Variants in ANKRD11 observed in about 807,000 individuals in gnomAD.
The protein encoded by ANKRD11 is ankyrin repeat domain-containing protein 11.
A neutral mutation model predicts 195.7 loss-of-function variants in ANKRD11; 17 were observed. The observed-to-expected ratio is 0.09, with a 90% CI of 0.06 to 0.13. The LOEUF (loss-of-function observed/expected upper bound fraction) is 0.13, where lower values mean the gene tolerates loss of function less well. Among genes scored for constraint, ANKRD11 ranks in the 10% least tolerant of loss-of-function variants. The probability of loss-of-function intolerance (pLI) is 1.00; values close to 1 mark genes in which losing one functional copy is unlikely to be tolerated. For synonymous variants in ANKRD11, 1,953 were observed against 1,528.1 expected (o/e 1.28, Z -6.49); for missense variants, 3,735 against 3,566.1 (o/e 1.05, Z -1.21).
intron 2 of ANKRD11, among the ~76,000 whole-genome samples, chr16:89,377,081 C>T (rs2040453807): frequency 6.6e-6 from 1 of 152,198 alleles, no homozygotes; most frequent in Non-Finnish European, 1.5e-5. Context: ...AAGGAACTGC[C>T]TTAAATGTTC....
intron 1 of ANKRD11, among the ~76,000 whole-genome samples, chr16:89,421,629 A>C (rs2042511349): frequency 1.0e-5 from 1 of 96,066 alleles, no homozygotes; most frequent in African/African-American, 4.9e-5. Flanking sequence ...TCACCCGTCC[A>C]TGTCTGGGGG....
At chr16:89,292,662 C>G (rs1022713861) in intron 4 of ANKRD11, among the ~76,000 whole-genome samples, 5 of 152,266 alleles carry the variant, frequency 3.3e-5, no homozygotes, top group Non-Finnish European at 7.3e-5. Context: ...ACCAGCTAGT[C>G]TGTAAACAGT....
Position 89,284,901 on chromosome 16 carries a change from C to T in ANKRD11, c.1641G>A (p.Arg547=), listed in dbSNP as rs765022584. 1.9e-6 allele frequency: 3 copies of T among 1,614,054 alleles called. No individual in the cohort carries two copies. The African/African-American group carries it at 4.0e-5, about 22-fold the overall frequency. Residue 547 remains arginine, a synonymous_variant, in exon 9 of 13, where the codon CGG becomes CGA. Coordinates refer to ENST00000301030, the MANE Select transcript of ANKRD11 (RefSeq NM_013275.6). ...AAGAAATGGTTTTCCAATTGTCTGT[C>T]CGCCAGTGCTTGGTGTGCTGGTCTG... is the stretch of plus-strand genomic sequence containing the variant. The part of the protein sequence containing the change: ...SHTDQHTKHW[R]TDNWKTISSP...
rs1337360628 is a variant in ANKRD11, at chr16:89,271,189, C to A, written c.7714-280G>T. 6 of 494,988 alleles carry A rather than the reference C, an allele frequency of 1.2e-5. No homozygotes were observed. The Admixed American group carries it at 1.9e-4, about 16-fold the overall frequency. The allele number at this position is 494,988 out of a possible 1,614,324, so 30.7% of individuals were successfully genotyped here. On this transcript the variant is annotated intron_variant, in intron 11 of 12. Transcript: ENST00000301030. ...ACCTGTGAGCCGGTCCCCAGCCCTG[C>A]CCCCAGGGGACAGTCAGAGCTCAGC...
At chr16:89,304,068 A>G (rs1365364252) in intron 4 of ANKRD11, among the ~76,000 whole-genome samples, 1 of 152,146 alleles carries the variant, frequency 6.6e-6, no homozygotes, top group Non-Finnish European at 1.5e-5. Context: ...AACCTTCCCC[A>G]GCAGGGCTGT....
intron 4 of ANKRD11, 127 bp downstream of exon 4, chr16:89,305,079 A>G: frequency 1.4e-6 from 2 of 1,414,726 alleles, no homozygotes; most frequent in East Asian, 4.6e-5. Context: ...TCTTGCCTGG[A>G]CGGCGTGCAG....
intron 1 of ANKRD11, among the ~76,000 whole-genome samples, chr16:89,453,602 G>A (rs1445917270): frequency 6.6e-6 from 1 of 152,126 alleles, no homozygotes; most frequent in Non-Finnish European, 1.5e-5. Flanking sequence ...CTAACAGAAA[G>A]GAGGCAAGAC....
At chr16:89,409,084 G>C (rs551001885) in intron 2 of ANKRD11, among the ~76,000 whole-genome samples, 59 of 152,342 alleles carry the variant, frequency 3.9e-4, no homozygotes, top group African/African-American at 1.4e-3. Context: ...AGCAGCCAAG[G>C]GAAGCTGGGG....
chr16:89,426,529 T>TCACACACA (rs55664494), intron 1 of ANKRD11, among the ~76,000 whole-genome samples: 6,761 of 142,272 alleles, frequency 0.048, 188 homozygotes, highest in African/African-American at 0.076. Context: ...CACTTAAACA[T>TCACACACA]CACACACACA....
chr16:89,355,879 C>T (rs1167787866), intron 2 of ANKRD11, among the ~76,000 whole-genome samples: 1 of 152,124 alleles, frequency 6.6e-6, no homozygotes, highest in African/African-American at 2.4e-5. Context: ...AGATAAACAC[C>T]ACAGGAACAG....
intron 4 of ANKRD11, among the ~76,000 whole-genome samples, chr16:89,293,767 C>T (rs1198246634): frequency 6.6e-6 from 1 of 151,376 alleles, no homozygotes; most frequent in Non-Finnish European, 1.5e-5. Context: ...TTGGGAGGAG[C>T]TGGGGCGGTG....
At chr16:89,479,396 G>A (rs1036627780) in intron 1 of ANKRD11, among the ~76,000 whole-genome samples, 2 of 151,982 alleles carry the variant, frequency 1.3e-5, no homozygotes, top group South Asian at 4.2e-4. Context: ...ACTTAAGGAG[G>A]CCGAGGCAGG....
chr16:89,371,398 TC>T (rs1303404320), intron 2 of ANKRD11, among the ~76,000 whole-genome samples: 2 of 152,146 alleles, frequency 1.3e-5, no homozygotes, highest in African/African-American at 2.4e-5. Context: ...ATCAAGTCAT[TC>T]CCTGCACAGA....
Position 89,474,457 on chromosome 16 carries a change from A to C in ANKRD11, c.-145+15788T>G, listed in dbSNP as rs546836608. On this transcript the variant is annotated intron_variant, in intron 1 of 12. Transcript: ENST00000301030. ...CATGGTGAGACCCTGTCTCTACCTT[A>C]TGTAAAAAAAAAAAAAAAAATTTAA... Among the ~76,000 whole-genome samples, 11 of 151,012 alleles carry C rather than the reference A, an allele frequency of 7.3e-5. No individual in the cohort carries two copies. In the East Asian group the frequency reaches 2.2e-3, roughly 30 times the overall value.
chr16:89,395,865 GT>G (rs1430125697), intron 2 of ANKRD11: 10 of 152,186 alleles, frequency 6.6e-5, no homozygotes, highest in African/African-American at 1.9e-4. Context: ...CGGCAAGACT[GT>G]TTCAACGCAC....
intron 1 of ANKRD11, among the ~76,000 whole-genome samples, chr16:89,466,660 G>C (rs1468537898): frequency 6.6e-6 from 1 of 152,136 alleles, no homozygotes; most frequent in African/African-American, 2.4e-5. Flanking sequence ...GAGGTTAAAA[G>C]AAATAAACCA....
At chr16:89,344,482 GAC>G (rs1338885698) in intron 2 of ANKRD11, among the ~76,000 whole-genome samples, 1 of 152,136 alleles carries the variant, frequency 6.6e-6, no homozygotes, top group Non-Finnish European at 1.5e-5. Context: ...TGAAGCGAGT[GAC>G]ACAGATTTTA....
At chr16:89,466,533 A>T (rs1277766951) in intron 1 of ANKRD11, among the ~76,000 whole-genome samples, 2 of 152,206 alleles carry the variant, frequency 1.3e-5, no homozygotes, top group African/African-American at 2.4e-5. Context: ...TCATCACCCA[A>T]CGGGGTAAAA....
At chr16:89,456,777 T>C (rs1362046841) in intron 1 of ANKRD11, among the ~76,000 whole-genome samples, 5 of 152,152 alleles carry the variant, frequency 3.3e-5, no homozygotes, top group African/African-American at 1.2e-4. Context: ...AGATCCACAG[T>C]GGCACAGAGT....
Sources: gnomAD v4.1 joint callset for allele counts (sites outside exome capture counted in the v4.1 genomes callset) on GRCh38, gnomAD v4.1.1 for gene constraint, MANE v1.5 for transcripts, NCBI Gene and HGNC (gene_info 2026-07-23, HGNC 2026-07-21) for gene names.